The following PEAK1 variants were observed in gnomAD, a reference collection of about 807,000 sequenced individuals.
PEAK1 encodes the protein pseudopodium enriched atypical kinase 1, also known as inactive tyrosine-protein kinase PEAK1.
A neutral mutation model predicts 124.7 loss-of-function variants in PEAK1; 54 were observed. The ratio of observed to expected loss-of-function variants is 0.43; its 90% CI spans 0.35 to 0.54. PEAK1 has a LOEUF of 0.54. Ranked by LOEUF, PEAK1 falls within the 20% of genes least tolerant of loss-of-function variation. PEAK1 has a pLI of 0.01. For synonymous variants in PEAK1, 719 were observed against 760.0 expected, an observed-to-expected ratio of 0.95 and a Z score of 0.89; for missense variants, 2,046 against 2,134.5, an observed-to-expected ratio of 0.96 and a Z score of 0.82.
intron 2 of PEAK1, among the ~76,000 whole-genome samples, chr15:77,300,499 T>C (rs1334470264): frequency 6.6e-6 from 1 of 152,258 alleles, no homozygotes; most frequent in Non-Finnish European, 1.5e-5. Flanking sequence ...TTTAGATGTA[T>C]AGACAAATTG....
chr15:77,371,852 C>G (rs1327845821), intron 1 of PEAK1, among the ~76,000 whole-genome samples: 1 of 152,118 alleles, frequency 6.6e-6, no homozygotes, highest in Non-Finnish European at 1.5e-5. Context: ...CCACTGCGCT[C>G]CAACCCGGGA....
intron 2 of PEAK1, among the ~76,000 whole-genome samples, chr15:77,325,942 T>C (rs983339704): frequency 2.6e-5 from 4 of 152,018 alleles, no homozygotes; most frequent in Non-Finnish European, 5.9e-5. Context: ...GGTGACCATA[T>C]AAATATAACA....
chr15:77,228,495 C>T (rs2059773507), intron 6 of PEAK1, among the ~76,000 whole-genome samples: 1 of 152,062 alleles, frequency 6.6e-6, no homozygotes, highest in Admixed American at 6.6e-5. Context: ...GTTGCCTGGT[C>T]CACAGTCCTC....
intron 1 of PEAK1, among the ~76,000 whole-genome samples, chr15:77,367,889 T>C (rs2068362010): frequency 6.6e-6 from 1 of 152,186 alleles, no homozygotes; most frequent in Non-Finnish European, 1.5e-5. Context: ...CTTGGGTATG[T>C]TTCTCCAAGG....
intron 6 of PEAK1, among the ~76,000 whole-genome samples, chr15:77,242,588 A>G (rs1256802527): frequency 6.6e-6 from 1 of 152,154 alleles, no homozygotes; most frequent in Non-Finnish European, 1.5e-5. Flanking sequence ...AAAGTATTAG[A>G]GTTAAGAGGG....
chr15:77,288,681 G>C (rs145956847), intron 2 of PEAK1, among the ~76,000 whole-genome samples: 1,635 of 152,282 alleles, frequency 0.011, 39 homozygotes, highest in African/African-American at 0.037. Context: ...GGTGGCTCAT[G>C]CCTGTAATCC....
chr15:77,347,612 G>C, intron 2 of PEAK1: 1 of 985,114 alleles, frequency 1.0e-6, no homozygotes, highest in Non-Finnish European at 1.2e-6. Flanking sequence ...ATTTGAGATA[G>C]CCCAGAGACT....
Position 77,180,275 on chromosome 15 carries a change from A to G in PEAK1, c.1652T>C (p.Ile551Thr), listed in dbSNP as rs772262016. The G allele has an allele frequency of 6.2e-7, 1 of 1,614,156 alleles. No homozygotes were observed. The highest frequency in any genetic ancestry group is 8.5e-7 in the Non-Finnish European group (1 of 1,180,020). The change falls in exon 7 of 10, where the codon ATT becomes ACT. Residue 551 changes from isoleucine to threonine, a missense_variant. Transcript: ENST00000682557. Reference protein sequence around the residue: ...PRQKIPKVELITSGTGPNVPP... With the variant: ...PRQKIPKVELTTSGTGPNVPP... ...AACATTTGGTCCAGTTCCACTAGTA[A>G]TTAGTTCTACTTTAGGTATCTTTTG...
At chr15:77,278,242 T>C (rs1463855853) in intron 5 of PEAK1, among the ~76,000 whole-genome samples, 1 of 152,192 alleles carries the variant, frequency 6.6e-6, no homozygotes, top group African/African-American at 2.4e-5. Flanking sequence ...TACATTGTGA[T>C]ATAGTCATAC....
At chr15:77,218,923 C>G (rs2059263517) in intron 6 of PEAK1, among the ~76,000 whole-genome samples, 1 of 152,024 alleles carries the variant, frequency 6.6e-6, no homozygotes, top group Non-Finnish European at 1.5e-5. Context: ...ACATACTAAA[C>G]TGCTCAAGGA....
At chr15:77,339,381 A>C (rs1165915520) in intron 2 of PEAK1, among the ~76,000 whole-genome samples, 2 of 152,136 alleles carry the variant, frequency 1.3e-5, no homozygotes, top group African/African-American at 4.8e-5. Context: ...AGACTTGATA[A>C]AGCCATTTGG....
At chr15:77,409,837 A>T (rs1401473337) in intron 1 of PEAK1, among the ~76,000 whole-genome samples, 1 of 152,102 alleles carries the variant, frequency 6.6e-6, no homozygotes, top group Non-Finnish European at 1.5e-5. Flanking sequence ...TCACCTCACA[A>T]CCCCATAAAG....
chr15:77,102,477 G>A (rs1161353337), exon 7 of PEAK1: 1 of 152,178 alleles, frequency 6.6e-6, no homozygotes, highest in Non-Finnish European at 1.5e-5. Context: ...CTCAACAAGA[G>A]ATAAAACATG....
At chr15:77,353,141 C>T (rs111602541) in intron 2 of PEAK1, among the ~76,000 whole-genome samples, 45 of 152,338 alleles carry the variant, frequency 3.0e-4, no homozygotes, top group African/African-American at 9.4e-4. Flanking sequence ...GAAAAAGAAA[C>T]TCCTCGGCTA....
intron 6 of PEAK1, among the ~76,000 whole-genome samples, chr15:77,196,361 T>C (rs959146507): frequency 6.6e-6 from 1 of 152,226 alleles, no homozygotes; most frequent in African/African-American, 2.4e-5. Context: ...TACTCTTTTT[T>C]GAATGTGACA....
intron 1 of PEAK1, chr15:77,370,628 T>C: frequency 1.1e-6 from 1 of 921,406 alleles, no homozygotes; most frequent in Middle Eastern, 5.6e-4. Context: ...ACCCATAATT[T>C]TGAATGTTAC....
At chr15:77,288,803 C>G (rs1171769667) in intron 2 of PEAK1, among the ~76,000 whole-genome samples, 1 of 151,982 alleles carries the variant, frequency 6.6e-6, no homozygotes, top group Non-Finnish European at 1.5e-5. Context: ...GTGGCGGGCA[C>G]CTGTAGTCCC....
At chr15:77,216,452 T>C (rs2059152423) in intron 6 of PEAK1, among the ~76,000 whole-genome samples, 1 of 152,208 alleles carries the variant, frequency 6.6e-6, no homozygotes, top group Admixed American at 6.5e-5. Context: ...TCTGCTAAAA[T>C]TGAAGCAAGA....
intron 7 of PEAK1, among the ~76,000 whole-genome samples, chr15:77,174,017 G>C (rs754803147): frequency 2.6e-5 from 4 of 152,166 alleles, no homozygotes; most frequent in Non-Finnish European, 4.4e-5. Context: ...TTACTTCTAT[G>C]TGATAGGTAT....
Sources: allele counts gnomAD v4.1 joint callset (sites outside exome capture counted in the v4.1 genomes callset), GRCh38; gene constraint gnomAD v4.1.1; transcripts MANE v1.5; gene names NCBI Gene and HGNC (gene_info 2026-07-23, HGNC 2026-07-21).